Variants in FHIT observed in about 807,000 individuals in gnomAD.
The protein encoded by FHIT is bis(5'-adenosyl)-triphosphatase.
A neutral mutation model predicts 17.9 loss-of-function variants in FHIT; 19 were observed. That is an observed-to-expected ratio of 1.06 (90% CI 0.74 to 1.56). The LOEUF is 1.56. FHIT is among the 40% of genes most tolerant of loss of function. The pLI is 0.00. For missense variants in FHIT, 248 were observed against 189.2 expected (o/e 1.31, Z -1.82); for synonymous variants, 81 against 69.7 (o/e 1.16, Z -0.81).
At chr3:60,097,772 G>T (rs1046528467) in intron 5 of FHIT, among the ~76,000 whole-genome samples, 1 of 149,778 alleles carries the variant, frequency 6.7e-6, no homozygotes, top group Non-Finnish European at 1.5e-5. Context: ...GTGCAGGTTT[G>T]TTACATATGT....
intron 7 of FHIT, among the ~76,000 whole-genome samples, chr3:60,000,453 G>A (rs1399473185): frequency 6.6e-6 from 1 of 152,136 alleles, no homozygotes; most frequent in African/African-American, 2.4e-5. Context: ...AGACCATCTG[G>A]CCCTCACAGC....
chr3:59,943,059 CTGTTA>C (rs977665269), intron 7 of FHIT, among the ~76,000 whole-genome samples: 3 of 152,030 alleles, frequency 2.0e-5, no homozygotes, highest in Non-Finnish European at 2.9e-5. Flanking sequence ...ATCTGCTCTC[CTGTTA>C]TATTACTAAG....
At chr3:60,114,015 AAAAAAAAAAAAAAAAAAAAAAATATAT>A (rs1218010119) in intron 5 of FHIT, among the ~76,000 whole-genome samples, 5 of 22,792 alleles carry the variant, frequency 2.2e-4, no homozygotes, top group African/African-American at 5.0e-4. Context: ...AAAAAAAAAA[AAAAAAAAAAAAAAAAAAAAAAATATAT>A]ATATATATAT....
intron 3 of FHIT, among the ~76,000 whole-genome samples, chr3:60,834,449 G>C (rs1166934384): frequency 2.6e-5 from 4 of 152,172 alleles, no homozygotes; most frequent in African/African-American, 7.2e-5. Context: ...GAGTTGCTTG[G>C]ATTTTTTTAC....
chr3:60,269,177 A>T lies in FHIT; in HGVS notation c.104-255025T>A, dbSNP rs1362419199. 3.3e-5 allele frequency among the ~76,000 whole-genome samples: 5 copies of T among 152,204 alleles called. No individual in the cohort carries two copies. In the East Asian group the frequency reaches 9.6e-4, roughly 29 times the overall value. On this transcript the variant is annotated intron_variant, in intron 5 of 9. Transcript: ENST00000492590. ...TTATGGAAGCCATCAAAAACTAGTA[A>T]ATGATTAATTTAAAACTTTCAAAGT...
At chr3:60,321,482 C>G (rs551511115) in intron 5 of FHIT, among the ~76,000 whole-genome samples, 1 of 151,396 alleles carries the variant, frequency 6.6e-6, no homozygotes, top group Non-Finnish European at 1.5e-5. Flanking sequence ...CTCAAAAAAC[C>G]AAAAAAAATT....
In FHIT at chr3:60,152,269, C is replaced by T. The variant is rs187570121; in HGVS notation, c.104-138117G>A. ...TAATAGGAGTAAGTATCTATTAGCT[C>T]GTAGGAAGCACATGCACACATGTAT... On this transcript the variant is annotated intron_variant, in intron 5 of 9. Coordinates refer to ENST00000492590, the MANE Select transcript of FHIT (RefSeq NM_002012.4). Among the ~76,000 whole-genome samples the T allele has an allele frequency of 1.3e-4, 20 of 152,118 alleles. No homozygotes were observed. The East Asian group carries it at 3.3e-3, about 25-fold the overall frequency.
intron 2 of FHIT, among the ~76,000 whole-genome samples, chr3:61,089,092 C>CA (rs2035395666): frequency 1.3e-5 from 2 of 152,106 alleles, no homozygotes. Flanking sequence ...CAGTGGTACT[C>CA]AGACTTTTTT....
chr3:59,884,306 A>G (rs982437722), intron 8 of FHIT, among the ~76,000 whole-genome samples: 1 of 152,238 alleles, frequency 6.6e-6, no homozygotes, highest in African/African-American at 2.4e-5. Flanking sequence ...AGTAAAATTT[A>G]TAATAAGCAG....
intron 4 of FHIT, among the ~76,000 whole-genome samples, chr3:60,804,494 A>G (rs1559735986): frequency 1.3e-5 from 2 of 152,212 alleles, no homozygotes; most frequent in Non-Finnish European, 1.5e-5. Flanking sequence ...ATTTTAACCC[A>G]TCTATGCCTC....
chr3:60,542,502 G>A (rs188645654), intron 4 of FHIT, among the ~76,000 whole-genome samples: 6 of 152,150 alleles, frequency 3.9e-5, no homozygotes, highest in Middle Eastern at 3.4e-3. Context: ...GTAAAATGGC[G>A]TCTCTTCCTT....
intron 4 of FHIT, among the ~76,000 whole-genome samples, chr3:60,773,194 C>CA (rs527359401): frequency 7.3e-4 from 110 of 151,162 alleles, no homozygotes; most frequent in Admixed American, 1.5e-3. Context: ...ATATTCTAGG[C>CA]AAAAAAAATA....
intron 5 of FHIT, among the ~76,000 whole-genome samples, chr3:60,087,265 G>T (rs967420156): frequency 2.0e-5 from 3 of 152,158 alleles, no homozygotes; most frequent in Non-Finnish European, 4.4e-5. Context: ...ACACCTCTGG[G>T]CCTATGATAG....
At chr3:60,198,369 G>A (rs1025927469) in intron 5 of FHIT, among the ~76,000 whole-genome samples, 2 of 152,052 alleles carry the variant, frequency 1.3e-5, no homozygotes, top group African/African-American at 2.4e-5. Flanking sequence ...TTTAAGCTTG[G>A]CCCGTTCACT....
intron 5 of FHIT, among the ~76,000 whole-genome samples, chr3:60,224,498 C>G (rs1222118199): frequency 2.0e-5 from 3 of 152,160 alleles, no homozygotes; most frequent in Non-Finnish European, 4.4e-5. Flanking sequence ...ATGTTCCCCT[C>G]ACAAAGTTTC....
intron 7 of FHIT, among the ~76,000 whole-genome samples, chr3:59,974,164 A>AC (rs1708307441): frequency 6.6e-6 from 1 of 152,102 alleles, no homozygotes; most frequent in Admixed American, 6.6e-5. Context: ...CCAGAGAGTT[A>AC]CCATTGCCTG....
rs570179003 is a variant in FHIT at position 60,558,474 on chromosome 3, T to C, written c.-17-21495A>G. On this transcript the variant is annotated intron_variant, in intron 4 of 9. Transcript: ENST00000492590. ...AGCTCAGGAGAGTTTGAGTATGCCA[T>C]TGGCCTGTCCACTTGACCCCTGAGT... is the stretch of plus-strand genomic sequence containing the variant. Among the ~76,000 whole-genome samples the C allele has an allele frequency of 5.3e-5, 8 of 152,046 alleles. No homozygotes were observed. The East Asian group carries it at 5.9e-4, about 11-fold the overall frequency.
intron 5 of FHIT, among the ~76,000 whole-genome samples, chr3:60,287,832 T>G (rs959649084): frequency 2.6e-5 from 4 of 152,118 alleles, no homozygotes; most frequent in African/African-American, 9.7e-5. Context: ...TGGGTTCCCA[T>G]CCAGCCTCTT....
chr3:60,795,136 A>G (rs1432276158), intron 4 of FHIT, among the ~76,000 whole-genome samples: 4 of 152,194 alleles, frequency 2.6e-5, no homozygotes, highest in African/African-American at 7.2e-5. Flanking sequence ...TGTGTTTTGT[A>G]GATTGTTCCA....
Sources: allele counts gnomAD v4.1 joint callset (sites outside exome capture counted in the v4.1 genomes callset), GRCh38; gene constraint gnomAD v4.1.1; transcripts MANE v1.5; gene names NCBI Gene and HGNC (gene_info 2026-07-23, HGNC 2026-07-21).